The following GABRB3 variants were observed in gnomAD, a reference collection of about 807,000 sequenced individuals.
The protein encoded by GABRB3 is gamma-aminobutyric acid type A receptor subunit beta3.
Under a neutral mutation model 52.1 loss-of-function variants are expected in GABRB3, and 14 were observed. The observed-to-expected ratio is 0.27, with a 90% CI of 0.18 to 0.42. The LOEUF (loss-of-function observed/expected upper bound fraction) is 0.42. Among genes scored for constraint, GABRB3 ranks in the 10% least tolerant of loss-of-function variants. The pLI is 1.00. For missense variants in GABRB3, 307 were observed against 609.1 expected (o/e 0.50, Z 5.22); for synonymous variants, 260 against 232.3 (o/e 1.12, Z -1.08).
intron 4 of GABRB3, among the ~76,000 whole-genome samples, chr15:26,598,563 C>T (rs1891477822): frequency 6.6e-6 from 1 of 152,112 alleles, no homozygotes; most frequent in Admixed American, 6.5e-5. Flanking sequence ...AAAGAAAGGT[C>T]TTACTTTGAC....
At chr15:26,734,302 A>G (rs996371087) in intron 3 of GABRB3, among the ~76,000 whole-genome samples, 9 of 152,076 alleles carry the variant, frequency 5.9e-5, no homozygotes, top group Non-Finnish European at 8.8e-5. Flanking sequence ...AAGTCCTGGG[A>G]TTACAGGCAT....
At chr15:26,729,162 C>T (rs1415793247) in intron 3 of GABRB3, among the ~76,000 whole-genome samples, 3 of 151,998 alleles carry the variant, frequency 2.0e-5, no homozygotes, top group Non-Finnish European at 1.5e-5. Context: ...GAGGTCTGGG[C>T]AAGGGGCCGG....
intron 1 of GABRB3, 37 bp from the exon 2 acceptor site, chr15:26,772,809 G>A: frequency 6.6e-7 from 1 of 1,507,732 alleles, no homozygotes; most frequent in Non-Finnish European, 8.9e-7. Flanking sequence ...AGCGGGGTCA[G>A]GGGCGGCTCA....
At chr15:26,586,704 A>AAAG (rs558336153) in intron 4 of GABRB3, among the ~76,000 whole-genome samples, 33,644 of 100,716 alleles carry the variant, frequency 0.33, 8,630 homozygotes, top group Non-Finnish European at 0.48. Context: ...AAAAAAAAAA[A>AAAG]AGAGAGAGAG....
At chr15:26,586,011 G>A (rs1336787333) in intron 4 of GABRB3, among the ~76,000 whole-genome samples, 1 of 151,982 alleles carries the variant, frequency 6.6e-6, no homozygotes, top group African/African-American at 2.4e-5. Context: ...TTGTTTGTTT[G>A]TTTTTGCTAC....
chr15:26,712,478 G>C (rs1227356075), intron 3 of GABRB3, among the ~76,000 whole-genome samples: 2 of 152,222 alleles, frequency 1.3e-5, no homozygotes, highest in Non-Finnish European at 2.9e-5. Flanking sequence ...TGGTGAGGGG[G>C]GGTTCAATCT....
At chr15:26,657,769 G>A (rs1887419145) in intron 3 of GABRB3, among the ~76,000 whole-genome samples, 1 of 152,122 alleles carries the variant, frequency 6.6e-6, no homozygotes, top group African/African-American at 2.4e-5. Flanking sequence ...AAAGAAATCT[G>A]ACCTAACTGA....
chr15:26,648,132 AAACACC>A (rs1300666230), intron 3 of GABRB3, among the ~76,000 whole-genome samples: 1 of 152,100 alleles, frequency 6.6e-6, no homozygotes, highest in Non-Finnish European at 1.5e-5. Context: ...TGTGCCCATT[AAACACC>A]AACTCCCCTG....
At chr15:26,648,162 C>T (rs1887072865) in intron 3 of GABRB3, among the ~76,000 whole-genome samples, 1 of 152,158 alleles carries the variant, frequency 6.6e-6, no homozygotes, top group Non-Finnish European at 1.5e-5. Context: ...CTAGCCCCAG[C>T]CCCTGGCCAC....
intron 3 of GABRB3, among the ~76,000 whole-genome samples, chr15:26,764,468 C>A (rs117287196): frequency 0.015 from 2,296 of 151,962 alleles, 32 homozygotes; most frequent in Non-Finnish European, 0.024. Flanking sequence ...GTAAATGCTT[C>A]TGTGAGATGT....
chr15:26,644,647 G>T (rs1438817611), intron 3 of GABRB3, among the ~76,000 whole-genome samples: 1 of 152,214 alleles, frequency 6.6e-6, no homozygotes, highest in Non-Finnish European at 1.5e-5. Flanking sequence ...GAAGACCACG[G>T]TCTGTGGTAC....
intron 3 of GABRB3, among the ~76,000 whole-genome samples, chr15:26,692,549 G>A (rs747493234): frequency 1.3e-5 from 2 of 152,078 alleles, no homozygotes; most frequent in Non-Finnish European, 2.9e-5. Context: ...TTTGACTCTA[G>A]CTTGGAAGCT....
chr15:26,764,177 AAAATATATATATATATATATATATATAT>A lies in GABRB3; in HGVS notation c.240+8197_240+8224del, dbSNP rs1302908486. 7.2e-3 allele frequency among the ~76,000 whole-genome samples: 83 copies of A among 11,574 alleles called. 13 individuals carry two copies. Among genetic ancestry groups the A allele is most frequent in the South Asian group, 0.013 (3 of 224 alleles). 7.6% of individuals were successfully genotyped at this position (11,574 alleles called of 152,430 possible). On this transcript the variant is annotated intron_variant, in intron 3 of 8. Coordinates refer to ENST00000311550, the MANE Select transcript of GABRB3 (RefSeq NM_000814.6). ...AAAAAAAAAAAAAAAAAAAAAAAAA[AAAATATATATATATATATATATATATAT>A]ATATATATATATATATATATATATA... is the stretch of plus-strand genomic sequence containing the variant.
intron 3 of GABRB3, among the ~76,000 whole-genome samples, chr15:26,675,112 T>A (rs544254149): frequency 3.5e-4 from 53 of 152,312 alleles, no homozygotes; most frequent in African/African-American, 1.1e-3. Flanking sequence ...AATGAGGAAC[T>A]GAATATTAAA....
intron 3 of GABRB3, among the ~76,000 whole-genome samples, chr15:26,648,998 A>G (rs751345956): frequency 3.7e-4 from 56 of 152,140 alleles, no homozygotes; most frequent in Non-Finnish European, 5.7e-4. Context: ...GAAACAGCAA[A>G]GAGCTAAGAG....
At chr15:26,718,033 CA>C (rs1243330096) in intron 3 of GABRB3, among the ~76,000 whole-genome samples, 1 of 151,650 alleles carries the variant, frequency 6.6e-6, no homozygotes, top group African/African-American at 2.4e-5. Context: ...GAAAAACAAC[CA>C]AAAAAAATGT....
At chr15:26,589,674 C>T (rs938678903) in intron 4 of GABRB3, among the ~76,000 whole-genome samples, 5 of 152,096 alleles carry the variant, frequency 3.3e-5, no homozygotes, top group African/African-American at 9.7e-5. Context: ...ATCAGAATGT[C>T]CATTATTTGT....
At chr15:26,589,513 C>T (rs953585075) in intron 4 of GABRB3, among the ~76,000 whole-genome samples, 21 of 152,204 alleles carry the variant, frequency 1.4e-4, no homozygotes, top group African/African-American at 5.1e-4. Flanking sequence ...CCATTGCAAG[C>T]ACTGATTCTG....
upstream of GABRB3, chr15:26,773,151 AGCGCGC>A (rs985096456): frequency 7.1e-5 from 24 of 338,800 alleles, no homozygotes; most frequent in Admixed American, 6.8e-4. Context: ...GGGAGGGAGG[AGCGCGC>A]GCGGGCGCGG....
Sources: gnomAD v4.1 joint callset for allele counts (sites outside exome capture counted in the v4.1 genomes callset) on GRCh38, gnomAD v4.1.1 for gene constraint, MANE v1.5 for transcripts, NCBI Gene and HGNC (gene_info 2026-07-23, HGNC 2026-07-21) for gene names.